PCDHGA8: variants seen among roughly 807,000 people sequenced by gnomAD.
PCDHGA8 encodes the protein protocadherin gamma-A8.
In PCDHGA8, 45 loss-of-function variants were observed where a neutral mutation model predicts 59.2. The ratio of observed to expected loss-of-function variants is 0.76; its 90% confidence interval spans 0.60 to 0.98. PCDHGA8 has a LOEUF of 0.98. Among genes scored for constraint, PCDHGA8 ranks in the 50% least tolerant of loss-of-function variants. The pLI, the probability that PCDHGA8 is intolerant of heterozygous loss-of-function variation, is 0.00. For missense variants in PCDHGA8, 1,257 were observed against 1,196.2 expected, an observed-to-expected ratio of 1.05 and a Z score of -0.75; for synonymous variants, 531 against 519.0, an observed-to-expected ratio of 1.02 and a Z score of -0.32.
intron 1 of PCDHGA8, chr5:141,433,225 G>A: frequency 6.6e-7 from 1 of 1,517,048 alleles, no homozygotes; most frequent in Non-Finnish European, 9.0e-7. Flanking sequence ...TTTTTTAATT[G>A]CTCTGTCTCC....
chr5:141,452,133 A>C (rs2098734490), intron 1 of PCDHGA8, among the ~76,000 whole-genome samples: 1 of 152,136 alleles, frequency 6.6e-6, no homozygotes, highest in Admixed American at 6.5e-5. Flanking sequence ...TATATGGCTC[A>C]TGTGTTTTTT....
intron 1 of PCDHGA8, chr5:141,414,969 G>A (rs764972439): frequency 7.4e-6 from 12 of 1,613,954 alleles, no homozygotes; most frequent in South Asian, 1.1e-5. Context: ...TGGTGGCGGT[G>A]GACAGAGACT....
rs142703691 is a variant in PCDHGA8 at position 141,489,691 on chromosome 5, C to T, written c.2425-5116C>T. On this transcript the variant is annotated intron_variant, in intron 1 of 3. Transcript: ENST00000398604. The surrounding 1 kb of genome is among the most constrained non-coding windows in gnomAD (Gnocchi z 4.5). ...CTCAGAATCAGCAGCATCTGGGGCACGATTCCCACTGGACAGTGCCCAGGA... is the reference window on the plus strand; with the variant it reads ...CTCAGAATCAGCAGCATCTGGGGCATGATTCCCACTGGACAGTGCCCAGGA... 8.1e-6 allele frequency: 13 copies of T among 1,614,164 alleles called. No individual in the cohort carries two copies. The highest frequency in any genetic ancestry group is 3.3e-5 in the South Asian group (3 of 91,080).
intron 1 of PCDHGA8, chr5:141,399,774 C>A (rs758550367): frequency 1.2e-6 from 2 of 1,613,116 alleles, no homozygotes; most frequent in South Asian, 2.2e-5. Flanking sequence ...TGTTGGTGGG[C>A]GACCGAAACG....
At chr5:141,402,639 A>C (rs886333954) in intron 1 of PCDHGA8, among the ~76,000 whole-genome samples, 2 of 152,250 alleles carry the variant, frequency 1.3e-5, no homozygotes. Flanking sequence ...ATCTAAAATC[A>C]TAATTAGAAG....
chr5:141,452,888 C>T (rs62379168), intron 1 of PCDHGA8, among the ~76,000 whole-genome samples: 13,856 of 152,130 alleles, frequency 0.091, 849 homozygotes, highest in African/African-American at 0.17. Flanking sequence ...TAATTTATTC[C>T]ACTTTTATTA....
At chr5:141,509,032 A>G (rs2099873869) in intron 3 of PCDHGA8, among the ~76,000 whole-genome samples, 1 of 151,488 alleles carries the variant, frequency 6.6e-6, no homozygotes, top group African/African-American at 2.4e-5. Flanking sequence ...CTCCCACTCA[A>G]CCCCTCTCCC....
intron 1 of PCDHGA8, chr5:141,409,804 C>T (rs766279863): frequency 6.2e-7 from 1 of 1,611,772 alleles, no homozygotes; most frequent in South Asian, 1.1e-5. Context: ...CGCTGCAGGC[C>T]CGCGACCACG....
chr5:141,446,797 A>G lies in PCDHGA8; in HGVS notation c.2425-48010A>G, dbSNP rs559881142. ...CCATTCTTTTACTCTGAGTTCTTCC[A>G]TTGTGATCATCTAGTCAGATGGGTA... is the stretch of plus-strand genomic sequence containing the variant. On this transcript the variant is annotated intron_variant, in intron 1 of 3. Coordinates refer to ENST00000398604, the MANE Select transcript of PCDHGA8 (RefSeq NM_032088.2). Among the ~76,000 whole-genome samples, 48 of 152,224 alleles carry G rather than the reference A, an allele frequency of 3.2e-4. No individual in the cohort carries two copies. In the South Asian group the frequency reaches 7.3e-3, roughly 23 times the overall value.
At chr5:141,437,445 T>C (rs187869679) in intron 1 of PCDHGA8, among the ~76,000 whole-genome samples, 1 of 152,348 alleles carries the variant, frequency 6.6e-6, no homozygotes, top group East Asian at 1.9e-4. Flanking sequence ...CATAGGAATG[T>C]TGAGGAGACT....
At chr5:141,420,386 AT>A (rs2096493306) in intron 1 of PCDHGA8, 1 of 1,284,798 alleles carries the variant, frequency 7.8e-7, no homozygotes, top group African/African-American at 1.5e-5. Flanking sequence ...AGTTCGCAAA[AT>A]ATAGGTCAAA....
In PCDHGA8 at chr5:141,505,471, G is replaced by A. The variant is rs766596231; in HGVS notation, c.2562G>A (p.Ala854=). The A allele has an allele frequency of 3.4e-5, 55 of 1,614,244 alleles. No individual in the cohort carries two copies. The highest frequency in any genetic ancestry group is 1.1e-4 in the East Asian group (5 of 44,880). ...AGATGCTGCAAGCCATGATCTTGGCGTCCGCCAGTGGTAAGTGGTGTCAGT... is the reference window on the plus strand; with the variant it reads ...AGATGCTGCAAGCCATGATCTTGGCATCCGCCAGTGGTAAGTGGTGTCAGT... ...DTEMLQAMIL[A]SASEAADGSS... Residue 854 remains alanine (A), a synonymous_variant, in exon 3 of 4, where the codon GCG becomes GCA. Coordinates refer to ENST00000398604, the MANE Select transcript of PCDHGA8 (RefSeq NM_032088.2).
rs1376914747 is a variant in PCDHGA8, at chr5:141,432,008, A to T, written c.2424+36771A>T. On this transcript the variant is annotated intron_variant, in intron 1 of 3. Coordinates refer to ENST00000398604, the MANE Select transcript of PCDHGA8 (RefSeq NM_032088.2). This position sits in a 1 kb window ranked among gnomAD's most constrained non-coding sequence, Gnocchi z 6.0. ...AGTCTTGGATAGGGAACAGGTTCCT[A>T]GCTACAACATCACAGTGACCGCCAC... 1 of 1,614,200 alleles carries T rather than the reference A, an allele frequency of 6.2e-7. No homozygotes were observed. The highest frequency in any genetic ancestry group is 2.2e-5 in the East Asian group (1 of 44,888).
intron 1 of PCDHGA8, chr5:141,399,077 G>A (rs1589355843): frequency 6.2e-7 from 1 of 1,613,830 alleles, no homozygotes; most frequent in Non-Finnish European, 8.5e-7. Context: ...GTTGTAGAAG[G>A]GAGGGATGGT....
chr5:141,400,235 T>G, intron 1 of PCDHGA8: 4 of 1,614,006 alleles, frequency 2.5e-6, no homozygotes, highest in Non-Finnish European at 3.4e-6. Context: ...CTCCTGGCCG[T>G]GATTCTGGCC....
In PCDHGA8 at chr5:141,485,470, T is replaced by C; in HGVS notation, c.2425-9337T>C. ...ACCGAGAGGCACTGTGTGGGCTCAG[T>C]GCCAGCTGCATCGTGCCCCTGGAGT... On this transcript the variant is annotated intron_variant, in intron 1 of 3. Coordinates refer to ENST00000398604, the MANE Select transcript of PCDHGA8 (RefSeq NM_032088.2). This position sits in a 1 kb window ranked among gnomAD's most constrained non-coding sequence, Gnocchi z 5.7. 1.9e-6 allele frequency: 3 copies of C among 1,614,110 alleles called. No individual in the cohort carries two copies. The highest frequency in any genetic ancestry group is 2.5e-6 in the Non-Finnish European group (3 of 1,180,002).
rs2099605934 is a variant in PCDHGA8, at chr5:141,485,057, C to G, written c.2425-9750C>G. On this transcript the variant is annotated intron_variant, in intron 1 of 3. Transcript: ENST00000398604. The surrounding 1 kb of genome is among the most constrained non-coding windows in gnomAD (Gnocchi z 5.7). ...GTAACCCTTGCGGCGCCGGCCGAAC[C>G]GCGCCAGAGCTGGCGCGGGGAAAGG... The G allele has an allele frequency of 1.2e-6, 1 of 843,720 alleles. No homozygotes were observed. Among genetic ancestry groups the G allele is most frequent in the Non-Finnish European group, 1.9e-6 (1 of 524,586 alleles). 52.3% of individuals were successfully genotyped at this position (843,720 alleles called of 1,614,324 possible).
intron 1 of PCDHGA8, chr5:141,403,365 T>A: frequency 6.2e-7 from 1 of 1,614,024 alleles, no homozygotes; most frequent in Non-Finnish European, 8.5e-7. Context: ...GCCGAAAGTC[T>A]GGAAGTAAAA....
Position 141,415,114 on chromosome 5 carries a change from G to A in PCDHGA8, c.2424+19877G>A, listed in dbSNP as rs186848544. On this transcript the variant is annotated intron_variant, in intron 1 of 3. Transcript: ENST00000398604. Reference sequence around the variant, plus strand: ...CAGAGACGCGCTCAAGCAAAGCCTCGTAGTGGCCGTCCAGGACCACGGCCA... The same window carrying A: ...CAGAGACGCGCTCAAGCAAAGCCTCATAGTGGCCGTCCAGGACCACGGCCA... 1.7e-5 allele frequency: 28 copies of A among 1,613,646 alleles called. No homozygotes were observed. In the African/African-American group the frequency reaches 2.7e-4, roughly 15 times the overall value.
Sources: gnomAD v4.1 joint callset for allele counts (sites outside exome capture counted in the v4.1 genomes callset) on GRCh38, gnomAD v4.1.1 for gene constraint, Gnocchi (gnomAD v3.1) non-coding constraint, MANE v1.5 for transcripts, NCBI Gene and HGNC (gene_info 2026-07-23, HGNC 2026-07-21) for gene names.